Variants in NMRK1 observed in about 807,000 individuals in gnomAD.
The protein encoded by NMRK1 is NRK 1.
Under a neutral mutation model 29.9 loss-of-function variants are expected in NMRK1, and 28 were observed. That is an observed-to-expected ratio of 0.94 (90% CI 0.69 to 1.28). The LOEUF is 1.28. Ranked by LOEUF, NMRK1 falls within the 50% of genes most tolerant of loss-of-function variation. NMRK1 has a pLI of 0.00. For missense variants in NMRK1, 218 were observed against 233.1 expected (o/e 0.94, Z 0.42); for synonymous variants, 58 against 73.0 (o/e 0.79, Z 1.05).
In NMRK1 at chr9:75,060,957, G is replaced by A. The variant is rs1822989256; in HGVS notation, c.*591C>T. ...AGCGAATTGTTGATTTATTCATTGT[G>A]ACTGCAGCTCCTAGTAATGCTATTA... is the stretch of plus-strand genomic sequence containing the variant. On this transcript the variant is annotated 3_prime_UTR_variant, in exon 9 of 9. Transcript: ENST00000361092. 1 of 151,980 alleles carries A rather than the reference G, an allele frequency of 6.6e-6. No individual in the cohort carries two copies. Among genetic ancestry groups the A allele is most frequent in the Non-Finnish European group, 1.5e-5 (1 of 68,188 alleles). The allele number at this position is 151,980 out of a possible 1,614,324, so 9.4% of individuals were successfully genotyped here. A position where few individuals can be genotyped will look rare whatever the true frequency, so the allele number is the denominator to read the frequency against.
chr9:75,081,065 A>G (rs1399964421), intron 2 of NMRK1, among the ~76,000 whole-genome samples: 1 of 152,228 alleles, frequency 6.6e-6, no homozygotes, highest in Non-Finnish European at 1.5e-5. Context: ...CATTTGTGTT[A>G]AATTTCCAGG....
intron 1 of NMRK1, among the ~76,000 whole-genome samples, chr9:75,086,419 G>T (rs59531240): frequency 0.062 from 9,508 of 152,250 alleles, 411 homozygotes; most frequent in African/African-American, 0.11. Flanking sequence ...TGCGTGCAAG[G>T]CTTTCCTCAA....
intron 7 of NMRK1, among the ~76,000 whole-genome samples, chr9:75,068,072 C>A (rs2118047485): frequency 6.6e-6 from 1 of 152,282 alleles, no homozygotes; most frequent in South Asian, 2.1e-4. Flanking sequence ...GCATTCCTCC[C>A]TTACAGGTCT....
chr9:75,068,572 T>C (rs1044953944), intron 7 of NMRK1, among the ~76,000 whole-genome samples: 9 of 152,236 alleles, frequency 5.9e-5, no homozygotes, highest in Non-Finnish European at 8.8e-5. Flanking sequence ...TTTGGTTAAA[T>C]GTGACTTCCT....
intron 4 of NMRK1, among the ~76,000 whole-genome samples, chr9:75,072,674 G>A (rs1823766267): frequency 6.6e-6 from 1 of 152,088 alleles, no homozygotes; most frequent in African/African-American, 2.4e-5. Flanking sequence ...TTTTCCATTA[G>A]AAAAAGTTTT....
At position 75,073,194 on chromosome 9, in the gene NMRK1, T is replaced by C. The variant is rs149882024; in HGVS notation, c.170-3152A>G. On this transcript the variant is annotated intron_variant, in intron 4 of 8. Coordinates refer to ENST00000361092, the MANE Select transcript of NMRK1 (RefSeq NM_017881.3). ...ACACAGGGAGAGCACCATGTGGAGATGTAGTCAGGGACTGGGGTGATGCAG... is the reference window on the plus strand; with the variant it reads ...ACACAGGGAGAGCACCATGTGGAGACGTAGTCAGGGACTGGGGTGATGCAG... Among the ~76,000 whole-genome samples the C allele has an allele frequency of 6.6e-5, 10 of 152,174 alleles. No individual in the cohort carries two copies. The East Asian group carries it at 1.9e-3, about 29-fold the overall frequency.
chr9:75,078,267 A>AT, intron 2 of NMRK1: 1 of 1,548,224 alleles, frequency 6.5e-7, no homozygotes, highest in Non-Finnish European at 8.7e-7. Context: ...GGTCACTGTG[A>AT]TTTTGCCTCA....
rs1406303644 is a variant in NMRK1, at chr9:75,069,812, G to C, written c.319C>G (p.Pro107Ala). The C allele has an allele frequency of 1.9e-6, 3 of 1,612,360 alleles. No homozygotes were observed. Among genetic ancestry groups the C allele is most frequent in the Non-Finnish European group, 2.5e-6 (3 of 1,179,104 alleles). The change falls in exon 6 of 9, where the codon CCC becomes GCC. Residue 107 changes from proline to alanine, a missense_variant and splice_region_variant. Coordinates refer to ENST00000361092, the MANE Select transcript of NMRK1 (RefSeq NM_017881.3). ...IEGFLLFNYK[P>A]LDTIWNRSYF... ...CTTCTATTCCATATAGTGTCAAGGG[G>C]CCTAAAATAACAGCATACTTAGTTC...
intron 2 of NMRK1, among the ~76,000 whole-genome samples, chr9:75,080,399 C>A (rs1376946703): frequency 1.3e-5 from 2 of 152,166 alleles, no homozygotes; most frequent in Non-Finnish European, 2.9e-5. Flanking sequence ...CACCTGTAAT[C>A]CCAGTACTTT....
At chr9:75,081,858 T>C (rs1824342131) in intron 2 of NMRK1, among the ~76,000 whole-genome samples, 3 of 152,198 alleles carry the variant, frequency 2.0e-5, no homozygotes, top group Non-Finnish European at 2.9e-5. Context: ...TGACAGGCTA[T>C]GAAGAAACAA....
chr9:75,072,366 C>T (rs1330172954), intron 4 of NMRK1, among the ~76,000 whole-genome samples: 1 of 152,136 alleles, frequency 6.6e-6, no homozygotes, highest in African/African-American at 2.4e-5. Flanking sequence ...TGGGACTAAT[C>T]CATCTTGGCT....
intron 8 of NMRK1, chr9:75,066,192 T>G (rs1261341439): frequency 4.1e-6 from 2 of 487,372 alleles, no homozygotes; most frequent in Non-Finnish European, 8.1e-6. Flanking sequence ...ATAAATGAGT[T>G]AATCCAGCTG....
At chr9:75,078,347 C>A in intron 2 of NMRK1, 1 of 1,572,978 alleles carries the variant, frequency 6.4e-7, no homozygotes, top group South Asian at 1.2e-5. Context: ...ATTTCCTCTG[C>A]GATGCCTCCT....
chr9:75,079,447 AT>A (rs200992597), intron 2 of NMRK1, among the ~76,000 whole-genome samples: 1 of 152,158 alleles, frequency 6.6e-6, no homozygotes, highest in African/African-American at 2.4e-5. Context: ...AAAATCTGTC[AT>A]TTTTTAGACT....
At chr9:75,083,880 A>C (rs1029045288) in intron 1 of NMRK1, among the ~76,000 whole-genome samples, 3 of 152,242 alleles carry the variant, frequency 2.0e-5, no homozygotes, top group African/African-American at 7.2e-5. Flanking sequence ...AATTCAACAT[A>C]TAATCATAAT....
intron 2 of NMRK1, among the ~76,000 whole-genome samples, chr9:75,080,088 G>T (rs1824231073): frequency 6.6e-6 from 1 of 152,174 alleles, no homozygotes; most frequent in South Asian, 2.1e-4. Flanking sequence ...GAAGTTAAAA[G>T]GCTGTCTGTA....
At chr9:75,066,293 T>C (rs1823342475) in intron 8 of NMRK1, 2 of 518,184 alleles carry the variant, frequency 3.9e-6, no homozygotes, top group South Asian at 2.8e-5. Context: ...CCGTCCAATA[T>C]GAAAACCTTA....
intron 1 of NMRK1, among the ~76,000 whole-genome samples, chr9:75,085,558 T>C (rs1824567513): frequency 1.3e-5 from 2 of 152,064 alleles, no homozygotes; most frequent in South Asian, 4.1e-4. Flanking sequence ...CTGCCACATC[T>C]GTGGTTACAC....
intron 1 of NMRK1, among the ~76,000 whole-genome samples, chr9:75,086,527 A>T (rs1023515664): frequency 3.3e-5 from 5 of 152,172 alleles, no homozygotes; most frequent in African/African-American, 1.2e-4. Flanking sequence ...TTTAACCCTA[A>T]GTAAAATGTT....
Sources: allele counts gnomAD v4.1 joint callset (sites outside exome capture counted in the v4.1 genomes callset), GRCh38; gene constraint gnomAD v4.1.1; transcripts MANE v1.5; gene names NCBI Gene and HGNC (gene_info 2026-07-23, HGNC 2026-07-21).